NPAS3: variants seen among roughly 807,000 people sequenced by gnomAD.
NPAS3 encodes neuronal PAS domain-containing protein 3.
NPAS3 carries 14 observed loss-of-function variants against 73.1 expected under a neutral mutation model. The observed-to-expected ratio is 0.19, with a 90% confidence interval of 0.13 to 0.30. The LOEUF (loss-of-function observed/expected upper bound fraction) is 0.30, where lower values mean the gene tolerates loss of function less well. NPAS3 is among the 10% of genes least tolerant of loss of function. The probability of loss-of-function intolerance (pLI) is 1.00; values close to 1 mark genes in which losing one functional copy is unlikely to be tolerated. For missense variants in NPAS3, 1,096 were observed against 1,250.0 expected (o/e 0.88, Z 1.86); for synonymous variants, 620 against 541.5 (o/e 1.14, Z -2.01).
chr14:33,017,809 C>T (rs1227128803), intron 1 of NPAS3, among the ~76,000 whole-genome samples: 1 of 152,032 alleles, frequency 6.6e-6, no homozygotes, highest in African/African-American at 2.4e-5. Flanking sequence ...AAAAACTAAG[C>T]CTTAGAGAGA....
chr14:33,695,121 A>G (rs991954385), intron 6 of NPAS3, among the ~76,000 whole-genome samples: 3 of 152,204 alleles, frequency 2.0e-5, no homozygotes, highest in Admixed American at 1.3e-4. Context: ...GACCTCACAG[A>G]ACCACATGAC....
At chr14:33,155,383 T>C (rs1254905736) in intron 2 of NPAS3, among the ~76,000 whole-genome samples, 1 of 152,218 alleles carries the variant, frequency 6.6e-6, no homozygotes, top group Non-Finnish European at 1.5e-5. Flanking sequence ...TATTTTCAAA[T>C]AATTTGAGGA....
At chr14:33,016,637 C>G (rs1344370875) in intron 1 of NPAS3, among the ~76,000 whole-genome samples, 7 of 148,424 alleles carry the variant, frequency 4.7e-5, no homozygotes, top group Non-Finnish European at 1.5e-5. Context: ...AAAAAACGAC[C>G]TAACCCATTG....
intron 1 of NPAS3, among the ~76,000 whole-genome samples, chr14:33,020,101 T>G (rs2039540376): frequency 6.6e-6 from 1 of 152,226 alleles, no homozygotes; most frequent in South Asian, 2.1e-4. Flanking sequence ...TATTGATGAT[T>G]GGCAATTGGA....
At chr14:33,544,850 A>G (rs2054763767) in intron 4 of NPAS3, among the ~76,000 whole-genome samples, 1 of 133,586 alleles carries the variant, frequency 7.5e-6, no homozygotes, top group East Asian at 2.1e-4. Context: ...TATTATATAT[A>G]TGTGTATATA....
chr14:33,574,941 T>C (rs2056374130), intron 5 of NPAS3, among the ~76,000 whole-genome samples: 2 of 146,934 alleles, frequency 1.4e-5, no homozygotes, highest in Admixed American at 6.9e-5. Context: ...TTTGCTAGGA[T>C]TGGTCAACCT....
At chr14:33,643,375 T>TAAAAAAAAAAAAAAAAAAAAAAAAA (rs755879056) in intron 5 of NPAS3, among the ~76,000 whole-genome samples, 2 of 94,612 alleles carry the variant, frequency 2.1e-5, no homozygotes, top group Non-Finnish European at 4.1e-5. Flanking sequence ...AAATAAAAAT[T>TAAAAAAAAAAAAAAAAAAAAAAAAA]AAAAAAAAAA....
chr14:33,373,699 A>G (rs554445305), intron 4 of NPAS3, among the ~76,000 whole-genome samples: 36 of 152,264 alleles, frequency 2.4e-4, no homozygotes, highest in Admixed American at 1.8e-3. Flanking sequence ...GCTTGGCCAT[A>G]TTAGGTAAAC....
At chr14:33,718,088 C>G (rs550783614) in intron 6 of NPAS3, among the ~76,000 whole-genome samples, 1 of 151,962 alleles carries the variant, frequency 6.6e-6, no homozygotes, top group African/African-American at 2.4e-5. Flanking sequence ...CTTTGGCACA[C>G]GCAACGCCAA....
chr14:33,397,063 G>T (rs1330421327), intron 4 of NPAS3, among the ~76,000 whole-genome samples: 1 of 152,006 alleles, frequency 6.6e-6, no homozygotes, highest in African/African-American at 2.4e-5. Context: ...AAATCCATGG[G>T]GAATGGTGAG....
At chr14:33,072,508 A>G (rs1258124795) in intron 2 of NPAS3, among the ~76,000 whole-genome samples, 1 of 152,198 alleles carries the variant, frequency 6.6e-6, no homozygotes, top group African/African-American at 2.4e-5. Flanking sequence ...AGCTTTTGCC[A>G]GTTAAAGAAC....
At chr14:33,565,109 G>T (rs1022399830) in intron 5 of NPAS3, among the ~76,000 whole-genome samples, 4 of 152,216 alleles carry the variant, frequency 2.6e-5, no homozygotes, top group African/African-American at 7.2e-5. Context: ...AAAGGGCAGG[G>T]TGGCTGCAGA....
intron 3 of NPAS3, among the ~76,000 whole-genome samples, chr14:33,245,688 C>A (rs1456452441): frequency 1.3e-5 from 2 of 152,098 alleles, no homozygotes; most frequent in African/African-American, 4.8e-5. Flanking sequence ...AAGTTCCAAA[C>A]CAGATTTAAC....
At chr14:33,329,310 T>G (rs2043870393) in intron 3 of NPAS3, among the ~76,000 whole-genome samples, 1 of 152,110 alleles carries the variant, frequency 6.6e-6, no homozygotes, top group South Asian at 2.1e-4. Context: ...AACAAGCAAC[T>G]GCGCTACCAG....
chr14:33,338,991 C>T (rs78601890), intron 3 of NPAS3, among the ~76,000 whole-genome samples: 265 of 152,212 alleles, frequency 1.7e-3, no homozygotes, highest in Middle Eastern at 3.4e-3. Flanking sequence ...AAGGAACTCA[C>T]CAAAGTTATT....
chr14:33,400,045 G>A (rs2047385827), intron 4 of NPAS3, among the ~76,000 whole-genome samples: 1 of 151,984 alleles, frequency 6.6e-6, no homozygotes, highest in Non-Finnish European at 1.5e-5. Flanking sequence ...AATAGCTTTG[G>A]CTACTTAAGA....
exon 7 of NPAS3, chr14:33,735,272 C>A: frequency 6.2e-7 from 1 of 1,613,694 alleles, no homozygotes; most frequent in Non-Finnish European, 8.5e-7. Context: ...GTTCCTTTTT[C>A]ATCCGAATGA....
intron 1 of NPAS3, among the ~76,000 whole-genome samples, chr14:33,028,804 T>C (rs2039893399): frequency 6.6e-6 from 1 of 152,166 alleles, no homozygotes; most frequent in Non-Finnish European, 1.5e-5. Flanking sequence ...GATACATACA[T>C]ACATATATGT....
intron 2 of NPAS3, among the ~76,000 whole-genome samples, chr14:33,121,580 T>C (rs1333819887): frequency 1.3e-5 from 2 of 152,178 alleles, no homozygotes; most frequent in African/African-American, 4.8e-5. Flanking sequence ...AGGACACCTT[T>C]TTAGCAATCA....
Sources: allele counts gnomAD v4.1 joint callset (sites outside exome capture counted in the v4.1 genomes callset), GRCh38; gene constraint gnomAD v4.1.1; transcripts MANE v1.5; gene names NCBI Gene and HGNC (gene_info 2026-07-23, HGNC 2026-07-21).